Variants in AMZ1 observed in about 807,000 individuals in gnomAD.
AMZ1 encodes the protein archaemetzincin-1.
Under a neutral mutation model 29.9 loss-of-function variants are expected in AMZ1, and 39 were observed. The ratio of observed to expected loss-of-function variants is 1.30; its 90% CI spans 1.01 to 1.70. The LOEUF is 1.70. Among genes scored for constraint, AMZ1 ranks in the 40% most tolerant of loss-of-function variants. The pLI, the probability that AMZ1 is intolerant of heterozygous loss-of-function variation, is 0.00. For synonymous variants in AMZ1, 458 were observed against 304.0 expected, an observed-to-expected ratio of 1.51 and a Z score of -5.27; for missense variants, 1,041 against 680.6, an observed-to-expected ratio of 1.53 and a Z score of -5.89.
intron 4 of AMZ1, among the ~76,000 whole-genome samples, chr7:2,759,184 TAAATA>T (rs1554257570): frequency 7.0e-6 from 1 of 141,998 alleles, no homozygotes; most frequent in Non-Finnish European, 1.5e-5. Flanking sequence ...AATAAATAAA[TAAATA>T]AAATAAAAAT....
chr7:2,689,288 C>T (rs538329801), intron 1 of AMZ1, among the ~76,000 whole-genome samples: 132 of 152,036 alleles, frequency 8.7e-4, no homozygotes, highest in African/African-American at 3.0e-3. Flanking sequence ...CGGAGCTGTG[C>T]GGTTTAGGGC....
chr7:2,697,214 T>C (rs1291225882), intron 1 of AMZ1, among the ~76,000 whole-genome samples: 1 of 152,102 alleles, frequency 6.6e-6, no homozygotes, highest in Non-Finnish European at 1.5e-5. Context: ...GTGATTCTTC[T>C]GCCTCTTGAG....
At chr7:2,744,091 G>A (rs1790646227) in intron 4 of AMZ1, among the ~76,000 whole-genome samples, 2 of 152,220 alleles carry the variant, frequency 1.3e-5, no homozygotes, top group Admixed American at 1.3e-4. Flanking sequence ...CCCCCTCTGG[G>A]GGCAGGGCAC....
intron 4 of AMZ1, among the ~76,000 whole-genome samples, chr7:2,725,677 C>A (rs1363495203): frequency 2.0e-5 from 3 of 152,212 alleles, no homozygotes; most frequent in Non-Finnish European, 4.4e-5. Flanking sequence ...AGCTCAGTTA[C>A]CCCCGAAAAC....
chr7:2,682,143 G>C (rs749473751), intron 1 of AMZ1, among the ~76,000 whole-genome samples: 2 of 152,212 alleles, frequency 1.3e-5, no homozygotes, highest in Non-Finnish European at 2.9e-5. Flanking sequence ...GGCCTCACAG[G>C]CTGGGCACAG....
chr7:2,710,800 G>A (rs758787986), intron 6 of AMZ1, among the ~76,000 whole-genome samples: 1 of 152,210 alleles, frequency 6.6e-6, no homozygotes, highest in Non-Finnish European at 1.5e-5. Flanking sequence ...CATGGCTGAG[G>A]GTAGGAGCAT....
rs1554244930 is a variant in AMZ1, at chr7:2,689,370, T to TGCG, written c.-219+1075_-219+1076insCGG. Among the ~76,000 whole-genome samples, 38 of 149,658 alleles carry TGCG rather than the reference T, an allele frequency of 2.5e-4. No homozygotes were observed. In the East Asian group the frequency reaches 7.0e-3, roughly 27 times the overall value. ...GTTGCTTAGAGCGGCAGAACCTCCC[T>TGCG]GGGGGGGGGATGCGGACGTGCTCTT... On this transcript the variant is annotated intron_variant, in intron 1 of 6. Coordinates refer to ENST00000683327, the MANE Select transcript of AMZ1 (RefSeq NM_001384743.1).
intron 4 of AMZ1, among the ~76,000 whole-genome samples, chr7:2,743,881 C>G (rs888293660): frequency 6.6e-6 from 1 of 152,114 alleles, no homozygotes; most frequent in Non-Finnish European, 1.5e-5. Context: ...CATCCCGCAC[C>G]TGGCTCGGAG....
intron 4 of AMZ1, among the ~76,000 whole-genome samples, chr7:2,744,661 TG>T (rs1329369545): frequency 2.0e-5 from 3 of 152,118 alleles, no homozygotes; most frequent in Non-Finnish European, 4.4e-5. Context: ...GGAACAAAGC[TG>T]GATGGACAAT....
intron 4 of AMZ1, among the ~76,000 whole-genome samples, chr7:2,756,428 T>C (rs116378255): frequency 0.029 from 4,411 of 152,114 alleles, 149 homozygotes; most frequent in African/African-American, 0.083. Flanking sequence ...GCCTGGGCAA[T>C]AGAGTGAGAC....
At chr7:2,740,019 T>C (rs1790418715) in intron 4 of AMZ1, among the ~76,000 whole-genome samples, 1 of 152,144 alleles carries the variant, frequency 6.6e-6, no homozygotes, top group Non-Finnish European at 1.5e-5. Context: ...CACCAAGCTG[T>C]TCTCCACGGC....
At chr7:2,697,389 G>A (rs1460521906) in intron 1 of AMZ1, among the ~76,000 whole-genome samples, 5 of 151,248 alleles carry the variant, frequency 3.3e-5, no homozygotes, top group South Asian at 2.1e-4. Context: ...GAGCTGCTGC[G>A]CCCGGCTCTA....
At chr7:2,695,247 G>C (rs546404441) in intron 1 of AMZ1, among the ~76,000 whole-genome samples, 1 of 152,242 alleles carries the variant, frequency 6.6e-6, no homozygotes, top group East Asian at 1.9e-4. Context: ...ATTCCACCCT[G>C]GTGTGAACCT....
At chr7:2,683,730 G>T (rs1415183196), upstream of AMZ1, among the ~76,000 whole-genome samples, 1 of 151,990 alleles carries the variant, frequency 6.6e-6, no homozygotes, top group Non-Finnish European at 1.5e-5. Flanking sequence ...GAGCCACCGC[G>T]CCCAGCTCTG....
At chr7:2,696,471 A>G (rs571562244) in intron 1 of AMZ1, among the ~76,000 whole-genome samples, 24 of 149,614 alleles carry the variant, frequency 1.6e-4, no homozygotes, top group Non-Finnish European at 3.1e-4. Flanking sequence ...GTTAGCCAGG[A>G]TGGTCTCGAT....
At chr7:2,689,371 G>GGGT (rs753061092) in intron 1 of AMZ1, among the ~76,000 whole-genome samples, 4 of 83,222 alleles carry the variant, frequency 4.8e-5, no homozygotes, top group East Asian at 1.0e-3. Flanking sequence ...GAACCTCCCT[G>GGGT]GGGGGGGGAT....
At chr7:2,710,409 A>C (rs1788696097) in intron 6 of AMZ1, among the ~76,000 whole-genome samples, 1 of 152,218 alleles carries the variant, frequency 6.6e-6, no homozygotes, top group Non-Finnish European at 1.5e-5. Context: ...CCAGCTTTGG[A>C]CTACAACCAG....
In AMZ1 at chr7:2,697,342, C is replaced by T. The variant is rs376154410; in HGVS notation, c.-218-2892C>T. Among the ~76,000 whole-genome samples, 7 of 152,238 alleles carry T rather than the reference C, an allele frequency of 4.6e-5. No individual in the cohort carries two copies. The South Asian group carries it at 8.3e-4, about 18-fold the overall frequency. On this transcript the variant is annotated intron_variant, in intron 1 of 6. Coordinates refer to ENST00000683327, the MANE Select transcript of AMZ1 (RefSeq NM_001384743.1). ...GAACTCCTGACCTCGGGTGATCCAG[C>T]AGCCTCGGCCTCCCAAAGTGCTGGG... is the stretch of plus-strand genomic sequence containing the variant.
upstream of AMZ1, among the ~76,000 whole-genome samples, chr7:2,761,721 A>T (rs1791564374): frequency 6.6e-6 from 1 of 152,220 alleles, no homozygotes; most frequent in Non-Finnish European, 1.5e-5. Flanking sequence ...TGCTTAAAAA[A>T]CAATGAAGAG....
Sources: allele counts gnomAD v4.1 joint callset (sites outside exome capture counted in the v4.1 genomes callset), GRCh38; gene constraint gnomAD v4.1.1; transcripts MANE v1.5; gene names NCBI Gene and HGNC (gene_info 2026-07-23, HGNC 2026-07-21).